The following STS variants were observed in gnomAD, a reference collection of about 807,000 sequenced individuals.
STS encodes steryl-sulfatase.
In STS, 7 loss-of-function variants were observed where a neutral mutation model predicts 26.8. The observed-to-expected ratio is 0.26, with a 90% CI of 0.15 to 0.49. The LOEUF (loss-of-function observed/expected upper bound fraction) is 0.49, where lower values mean the gene tolerates loss of function less well. Among genes scored for constraint, STS ranks in the 20% least tolerant of loss-of-function variants. The pLI, the probability that STS is intolerant of heterozygous loss-of-function variation, is 0.98. For synonymous variants in STS, 199 were observed against 189.4 expected (o/e 1.05, Z -0.42); for missense variants, 434 against 465.6 (o/e 0.93, Z 0.63).
chrX:7,324,194 T>C (rs1440957331), intron 8 of STS, among the ~76,000 whole-genome samples: 1 of 110,187 alleles, frequency 9.1e-6, no homozygotes, highest in Non-Finnish European at 1.9e-5. Context: ...AGGCTTCAGG[T>C]CATAGGTGGA....
chrX:7,160,903 C>T (rs183363750), intron 1 of STS, among the ~76,000 whole-genome samples: 43 of 111,887 alleles, frequency 3.8e-4, no homozygotes, highest in African/African-American at 1.4e-3. Flanking sequence ...GGGGCATACA[C>T]GTAGATCTCT....
rs147596542 is a variant in STS, at chrX:7,302,374, A to C, written c.944-2672A>C. Among the ~76,000 whole-genome samples the C allele has an allele frequency of 7.7e-3, 858 of 111,530 alleles. 5 individuals are homozygous for C. The highest frequency in any genetic ancestry group is 0.012 in the Non-Finnish European group (662 of 53,132). The stretch of plus-strand genomic sequence containing the variant: ...CCATTTTCAAAGTAATTAGGCTTAA[A>C]TTAGTGTCTCAGCCAAACAACCCCA... On this transcript the variant is annotated intron_variant, in intron 7 of 10. Coordinates refer to ENST00000674429, the MANE Select transcript of STS (RefSeq NM_001320752.2).
intron 8 of STS, among the ~76,000 whole-genome samples, chrX:7,323,447 C>T (rs1418291880): frequency 9.0e-6 from 1 of 111,223 alleles, no homozygotes; most frequent in Non-Finnish European, 1.9e-5. Flanking sequence ...GAATGTTTAG[C>T]TCCCACTTAT....
At chrX:7,338,756 A>G (rs981435249) in intron 10 of STS, among the ~76,000 whole-genome samples, 5 of 112,510 alleles carry the variant, frequency 4.4e-5, no homozygotes, top group Admixed American at 2.8e-4. Context: ...TCTTCTAGCT[A>G]TTGTGAAATA....
intron 3 of STS, 58 bp downstream of exon 3, chrX:7,253,394 G>T: frequency 2.5e-6 from 3 of 1,194,016 alleles, no homozygotes; most frequent in Non-Finnish European, 2.3e-6. Flanking sequence ...ACAGTCCCCG[G>T]GATGGTTATT....
chrX:7,215,022 A>T (rs866490715), intron 2 of STS, among the ~76,000 whole-genome samples: 7 of 63,176 alleles, frequency 1.1e-4, no homozygotes, highest in Non-Finnish European at 1.5e-4. Context: ...ATATATATAT[A>T]TTATATATGT....
chrX:7,150,779 G>A (rs1309742999), intron 1 of STS, among the ~76,000 whole-genome samples: 1 of 110,019 alleles, frequency 9.1e-6, no homozygotes, highest in East Asian at 2.8e-4. Context: ...ATGCTTCTCT[G>A]TCACAAGCTA....
At chrX:7,195,261 A>G (rs1296162478) in intron 2 of STS, among the ~76,000 whole-genome samples, 3 of 111,739 alleles carry the variant, frequency 2.7e-5, no homozygotes, top group African/African-American at 9.8e-5. Context: ...AAACTTCTCA[A>G]CTTCTACTCT....
At chrX:7,200,577 C>T (rs1299180446) in intron 2 of STS, among the ~76,000 whole-genome samples, 4 of 110,922 alleles carry the variant, frequency 3.6e-5, no homozygotes, top group Non-Finnish European at 7.5e-5. Context: ...ATGGATGAAA[C>T]GGAAAGGGAG....
intron 2 of STS, among the ~76,000 whole-genome samples, chrX:7,209,960 C>T (rs1321780865): frequency 9.0e-6 from 1 of 111,589 alleles, no homozygotes; most frequent in Non-Finnish European, 1.9e-5. Flanking sequence ...TGATCTTATT[C>T]CTTTTTATGG....
chrX:7,170,644 T>A (rs1237522822), intron 1 of STS, among the ~76,000 whole-genome samples: 1 of 110,181 alleles, frequency 9.1e-6, no homozygotes, highest in Non-Finnish European at 1.9e-5. Context: ...TTTTAAAAAA[T>A]TTAAAAATTT....
At position 7,352,472 on chromosome X, in the gene STS, G is replaced by C. The variant is rs185771453; in HGVS notation, c.*2211G>C. The C allele has an allele frequency of 8.9e-6, 1 of 112,306 alleles. No individual in the cohort carries two copies. The highest frequency in any genetic ancestry group is 9.5e-5 in the Admixed American group (1 of 10,567). The allele number at this position is 112,306 out of a possible 1,213,427, so 9.3% of individuals were successfully genotyped here. A position where few individuals can be genotyped will look rare whatever the true frequency, so the allele number is the denominator to read the frequency against. On this transcript the variant is annotated 3_prime_UTR_variant, in exon 11 of 11. Transcript: ENST00000674429. ...CATTTGGAAATCAGGTCGATTTGTG[G>C]TAACTGTAGTCATCTTAAATTTCAA...
In STS at chrX:7,207,726, T is replaced by G. The variant is rs780336167; in HGVS notation, c.-5+16718T>G. On this transcript the variant is annotated intron_variant, in intron 2 of 10. Coordinates refer to ENST00000674429, the MANE Select transcript of STS (RefSeq NM_001320752.2). ...CATTATGCACAAATGAAATTGCATATATATTTTGTTATGTTTTTGTAAAAT... is the reference window on the plus strand; with the variant it reads ...CATTATGCACAAATGAAATTGCATAGATATTTTGTTATGTTTTTGTAAAAT... Among the ~76,000 whole-genome samples the G allele has an allele frequency of 2.7e-5, 3 of 112,362 alleles. No homozygotes were observed. In the South Asian group the frequency reaches 1.1e-3, roughly 41 times the overall value.
chrX:7,323,929 C>A lies in STS; in HGVS notation c.1082-1410C>A, dbSNP rs182104761. Among the ~76,000 whole-genome samples the A allele has an allele frequency of 2.9e-3, 326 of 110,940 alleles. 4 individuals are homozygous for A. In the Middle Eastern group the frequency reaches 0.047, roughly 16 times the overall value. The stretch of plus-strand genomic sequence containing the variant: ...TCTCTGTGATTACACCCCTCCACTT[C>A]TCTGACTCCCTCTTTCCCTTGAAAG... On this transcript the variant is annotated intron_variant, in intron 8 of 10. Coordinates refer to ENST00000674429, the MANE Select transcript of STS (RefSeq NM_001320752.2).
At chrX:7,303,932 G>A (rs928256595) in intron 7 of STS, among the ~76,000 whole-genome samples, 1 of 111,685 alleles carries the variant, frequency 9.0e-6, no homozygotes, top group Admixed American at 9.5e-5. Context: ...TAATCTTGTT[G>A]AATCTATATC....
intron 1 of STS, among the ~76,000 whole-genome samples, chrX:7,156,255 A>G (rs193045853): frequency 3.6e-5 from 4 of 110,801 alleles, no homozygotes; most frequent in Non-Finnish European, 7.5e-5. Context: ...AGATGCATGC[A>G]TGTGTGGGTT....
chrX:7,148,758 T>A (rs1229243815), intron 1 of STS, among the ~76,000 whole-genome samples: 1 of 112,295 alleles, frequency 8.9e-6, no homozygotes, highest in African/African-American at 3.2e-5. Flanking sequence ...CCTCCGTGCC[T>A]GCATCTCTGA....
At chrX:7,234,420 T>C (rs1281356618) in intron 2 of STS, among the ~76,000 whole-genome samples, 2 of 112,473 alleles carry the variant, frequency 1.8e-5, no homozygotes, top group Non-Finnish European at 3.8e-5. Context: ...CTGACTCTGT[T>C]GCCGACATGC....
At chrX:7,285,303 GA>G (rs2147117744) in intron 7 of STS, among the ~76,000 whole-genome samples, 1 of 111,268 alleles carries the variant, frequency 9.0e-6, no homozygotes, top group East Asian at 2.8e-4. Flanking sequence ...ATTGTGTTTG[GA>G]AAATGGAAGT....
Sources: gnomAD v4.1 joint callset for allele counts (sites outside exome capture counted in the v4.1 genomes callset) on GRCh38, gnomAD v4.1.1 for gene constraint, MANE v1.5 for transcripts, NCBI Gene and HGNC (gene_info 2026-07-23, HGNC 2026-07-21) for gene names.